TBC1D8B: variants seen among roughly 807,000 people sequenced by gnomAD.
TBC1D8B encodes RP11-321G1.1.
Under a neutral mutation model 82.9 loss-of-function variants are expected in TBC1D8B, and 75 were observed. The ratio of observed to expected loss-of-function variants is 0.90; its 90% CI spans 0.75 to 1.10. The LOEUF (loss-of-function observed/expected upper bound fraction) is 1.10. Among genes scored for constraint, TBC1D8B ranks in the 50% least tolerant of loss-of-function variants. The probability of loss-of-function intolerance (pLI) is 0.00; values close to 1 mark genes in which losing one functional copy is unlikely to be tolerated. For synonymous variants in TBC1D8B, 276 were observed against 276.8 expected (o/e 1.00, Z 0.03); for missense variants, 794 against 796.9 (o/e 1.00, Z 0.04).
Position 106,865,881 on chromosome X carries a change from A to G in TBC1D8B, c.2510A>G (p.Gln837Arg). The G allele has an allele frequency of 2.5e-6, 3 of 1,211,456 alleles. No individual in the cohort carries two copies. The highest frequency in any genetic ancestry group is 3.4e-6 in the Non-Finnish European group (3 of 895,280). ...AGTCTGCCATATTTGGAACAGTATC[A>G]GATTGACTGCCAGCAGTTCAGAGCG... ...DPSLPYLEQY[Q>R]IDCQQFRALY... The change falls in exon 16 of 21, where the codon CAG (glutamine) becomes CGG (arginine). Residue 837 changes from glutamine to arginine, a missense_variant. By Grantham distance (43) the Gln-to-Arg change is conservative. Coordinates refer to ENST00000357242, the MANE Select transcript of TBC1D8B (RefSeq NM_017752.3).
Position 106,802,692 on chromosome X carries a change from TG to T in TBC1D8B, c.-159del. The T allele has an allele frequency of 1.5e-6, 1 of 680,532 alleles. No individual in the cohort carries two copies. 56.1% of individuals were successfully genotyped at this position (680,532 alleles called of 1,213,427 possible). A position where few individuals can be genotyped will look rare whatever the true frequency, so the allele number is the denominator to read the frequency against. ...GGAATTGGCAATCTCTCTGCCTACG[TG>T]GGAGAGAAGGGAGGGTTGGGGGAAG... On this transcript the variant is annotated 5_prime_UTR_variant, in exon 1 of 21. Coordinates refer to ENST00000357242, the MANE Select transcript of TBC1D8B (RefSeq NM_017752.3).
At chrX:106,826,836 T>C (rs1931860741) in intron 6 of TBC1D8B, among the ~76,000 whole-genome samples, 1 of 111,530 alleles carries the variant, frequency 9.0e-6, no homozygotes, top group South Asian at 3.8e-4. Context: ...ATGGTAAAGT[T>C]AGACTATCAC....
intron 14 of TBC1D8B, among the ~76,000 whole-genome samples, chrX:106,859,051 C>T (rs1932749905): frequency 8.9e-6 from 1 of 111,854 alleles, no homozygotes; most frequent in Middle Eastern, 4.2e-3. Flanking sequence ...GCACTCCATT[C>T]TGTTCCGTTA....
chrX:106,871,975 T>C (rs1932851007), intron 20 of TBC1D8B, among the ~76,000 whole-genome samples: 1 of 111,037 alleles, frequency 9.0e-6, no homozygotes, highest in Non-Finnish European at 1.9e-5. Context: ...GAGTTCTTCT[T>C]TACCTTCCTC....
chrX:106,866,767 G>T (rs1371683367), intron 16 of TBC1D8B, 30 bp from the exon 17 acceptor site: 1 of 1,003,464 alleles, frequency 1.0e-6, no homozygotes, highest in Non-Finnish European at 1.4e-6. Flanking sequence ...TTAGATACAT[G>T]ATTATTTACA....
In TBC1D8B at chrX:106,866,798, C is replaced by T; in HGVS notation, c.2664C>T (p.Asp888=). The T allele has an allele frequency of 4.3e-6, 5 of 1,152,345 alleles. No homozygotes were observed. Among genetic ancestry groups the T allele is most frequent in the Non-Finnish European group, 4.7e-6 (4 of 854,730 alleles). 95.0% of individuals were successfully genotyped at this position (1,152,345 alleles called of 1,213,427 possible). ...INFKEFSSAI[D]IMYNGSFTEK... ...TTACAATTGAATTTTATTGAACAGA[C>T]ATAATGTACAATGGAAGTTTTACTG... Residue 888 remains aspartate, a splice_region_variant and synonymous_variant, in exon 17 of 21, where the codon GAC becomes GAT. Coordinates refer to ENST00000357242, the MANE Select transcript of TBC1D8B (RefSeq NM_017752.3).
chrX:106,866,276 G>A (rs772168695), intron 16 of TBC1D8B, among the ~76,000 whole-genome samples: 4 of 111,367 alleles, frequency 3.6e-5, no homozygotes, highest in Admixed American at 1.9e-4. Flanking sequence ...GGAAGATAAC[G>A]TCCCAATTTT....
rs753506625 is a variant in TBC1D8B at position 106,807,588 on chromosome X, G to A, written c.130+4605G>A. On this transcript the variant is annotated intron_variant, in intron 1 of 20. Coordinates refer to ENST00000357242, the MANE Select transcript of TBC1D8B (RefSeq NM_017752.3). Reference sequence around the variant, plus strand: ...AGACTGAAAAGTCATGACATTGACCGTCCTTTATTTCTCAAAATCTCCTAC... The same window carrying A: ...AGACTGAAAAGTCATGACATTGACCATCCTTTATTTCTCAAAATCTCCTAC... 1.7e-4 allele frequency among the ~76,000 whole-genome samples: 19 copies of A among 108,977 alleles called. 1 individual carries two copies. In the South Asian group the frequency reaches 6.3e-3, roughly 36 times the overall value. 94.6% of individuals were successfully genotyped at this position (108,977 alleles called of 115,157 possible).
chrX:106,842,842 A>G (rs1932345987), intron 10 of TBC1D8B, among the ~76,000 whole-genome samples: 1 of 110,984 alleles, frequency 9.0e-6, no homozygotes, highest in South Asian at 3.8e-4. Flanking sequence ...ATCCATTAGC[A>G]GTTACTCCCC....
intron 10 of TBC1D8B, among the ~76,000 whole-genome samples, chrX:106,845,257 C>T (rs1174376625): frequency 1.8e-5 from 2 of 109,562 alleles, no homozygotes; most frequent in African/African-American, 6.7e-5. Context: ...TTAATCTTTT[C>T]AAAGAACCAA....
At chrX:106,844,668 A>G (rs1001631964) in intron 10 of TBC1D8B, among the ~76,000 whole-genome samples, 5 of 109,186 alleles carry the variant, frequency 4.6e-5, no homozygotes, top group Non-Finnish European at 7.6e-5. Flanking sequence ...GAGGATTTTT[A>G]TGCTTATATT....
intron 1 of TBC1D8B, among the ~76,000 whole-genome samples, chrX:106,803,821 A>T (rs1331579387): frequency 1.8e-5 from 2 of 111,765 alleles, no homozygotes; most frequent in Admixed American, 1.9e-4. Flanking sequence ...TTGGGTAGGG[A>T]TATTTAAAGT....
intron 10 of TBC1D8B, among the ~76,000 whole-genome samples, chrX:106,845,241 T>C (rs1057464242): frequency 9.0e-6 from 1 of 110,882 alleles, no homozygotes; most frequent in Admixed American, 9.7e-5. Context: ...ATCCTTTTTG[T>C]CTTTTTTAAT....
At chrX:106,821,607 C>A (rs774567705) in intron 3 of TBC1D8B, among the ~76,000 whole-genome samples, 6 of 111,052 alleles carry the variant, frequency 5.4e-5, no homozygotes, top group African/African-American at 9.8e-5. Context: ...CTGTAGATAC[C>A]AAAATTCACA....
intron 1 of TBC1D8B, chrX:106,814,215 C>T (rs2147724195): frequency 9.0e-6 from 1 of 111,273 alleles, no homozygotes; most frequent in East Asian, 2.8e-4. Flanking sequence ...GTATAGTATT[C>T]CATGGTGTAT....
At position 106,873,879 on chromosome X, in the gene TBC1D8B, G is replaced by A; in HGVS notation, c.3277G>A (p.Val1093Met). Residue 1093 changes from valine to methionine, a missense_variant, in exon 21 of 21, where the codon GTG becomes ATG. Physicochemically the swap from Val to Met is conservative, Grantham distance 21 (BLOSUM62 1). Coordinates refer to ENST00000357242, the MANE Select transcript of TBC1D8B (RefSeq NM_017752.3). The stretch of plus-strand genomic sequence containing the variant: ...ATCGCTGTTGAATGAACCAGCATTG[G>A]TGAGGTTTTTTGAGAAACCCATAGA... ...LASLLNEPAL[V>M]RFFEKPIDVK... 2 of 1,210,207 alleles carry A rather than the reference G, an allele frequency of 1.7e-6. No homozygotes were observed. Among genetic ancestry groups the A allele is most frequent in the Non-Finnish European group, 2.2e-6 (2 of 895,089 alleles).
At chrX:106,828,618 G>A (rs903158296) in intron 7 of TBC1D8B, 1 of 109,735 alleles carries the variant, frequency 9.1e-6, no homozygotes, top group Non-Finnish European at 1.9e-5. Context: ...TCATCCCTGG[G>A]ATGCAAGGCT....
intron 12 of TBC1D8B, among the ~76,000 whole-genome samples, chrX:106,852,428 C>G (rs1333308062): frequency 9.1e-6 from 1 of 109,503 alleles, no homozygotes; most frequent in Non-Finnish European, 1.9e-5. Flanking sequence ...AATTAGATCC[C>G]ATTTGTCAAT....
At chrX:106,854,057 G>A (rs1456547996) in intron 13 of TBC1D8B, 141 bp from the exon 14 acceptor site, 1 of 414,881 alleles carries the variant, frequency 2.4e-6, no homozygotes, top group Admixed American at 5.6e-5. Context: ...GTAAAAATTT[G>A]CAAAATCATT....
Sources: allele counts gnomAD v4.1 joint callset (sites outside exome capture counted in the v4.1 genomes callset), GRCh38; gene constraint gnomAD v4.1.1; transcripts MANE v1.5; gene names NCBI Gene and HGNC (gene_info 2026-07-23, HGNC 2026-07-21).